AGMO: variants seen among roughly 807,000 people sequenced by gnomAD.
AGMO encodes the protein alkylglycerol monooxygenase.
A neutral mutation model predicts 60.2 loss-of-function variants in AGMO; 75 were observed. The observed-to-expected ratio is 1.25, with a 90% CI of 1.03 to 1.51. AGMO has a LOEUF of 1.51. Among genes scored for constraint, AGMO ranks in the 40% most tolerant of loss-of-function variants. The probability of loss-of-function intolerance (pLI) is 0.00; values close to 1 mark genes in which losing one functional copy is unlikely to be tolerated. For synonymous variants in AGMO, 261 were observed against 177.1 expected (o/e 1.47, Z -3.76); for missense variants, 763 against 525.5 (o/e 1.45, Z -4.42).
intron 12 of AGMO, among the ~76,000 whole-genome samples, chr7:15,321,341 A>G (rs1489640922): frequency 1.3e-5 from 2 of 152,200 alleles, no homozygotes; most frequent in Admixed American, 6.6e-5. Context: ...ACTCTAAAAT[A>G]TATCTAATTC....
intron 12 of AGMO, among the ~76,000 whole-genome samples, chr7:15,244,944 G>A (rs1435767589): frequency 6.6e-6 from 1 of 152,044 alleles, no homozygotes; most frequent in South Asian, 2.1e-4. Flanking sequence ...AAGCCACCAC[G>A]CCCGGCCAGT....
chr7:15,470,441 T>C (rs574651600), intron 3 of AGMO, among the ~76,000 whole-genome samples: 1 of 152,092 alleles, frequency 6.6e-6, no homozygotes, highest in Admixed American at 6.6e-5. Context: ...CATTTTTAAG[T>C]AGTAAGCAAT....
At chr7:15,271,407 G>A (rs1563063565) in intron 12 of AGMO, among the ~76,000 whole-genome samples, 1 of 151,958 alleles carries the variant, frequency 6.6e-6, no homozygotes, top group South Asian at 2.1e-4. Flanking sequence ...GTATTCCTAG[G>A]TATTTTATTT....
intron 12 of AGMO, chr7:15,358,427 A>G: frequency 2.1e-6 from 1 of 471,302 alleles, no homozygotes; most frequent in Non-Finnish European, 4.4e-6. Flanking sequence ...GCAGAGTTGG[A>G]AGACAAGTAG....
intron 12 of AGMO, among the ~76,000 whole-genome samples, chr7:15,250,192 G>A (rs981678654): frequency 2.0e-5 from 3 of 152,108 alleles, no homozygotes; most frequent in Admixed American, 2.0e-4. Flanking sequence ...CCCTATAAAT[G>A]AAGTCTGTGA....
intron 12 of AGMO, among the ~76,000 whole-genome samples, chr7:15,348,680 G>A: frequency 6.6e-6 from 1 of 151,976 alleles, no homozygotes; most frequent in East Asian, 1.9e-4. Context: ...AAATAAATAT[G>A]AGTATAGCAT....
At chr7:15,321,866 G>A (rs995674138) in intron 12 of AGMO, among the ~76,000 whole-genome samples, 3 of 151,940 alleles carry the variant, frequency 2.0e-5, no homozygotes, top group Non-Finnish European at 2.9e-5. Flanking sequence ...CTCCATACCA[G>A]ACTCACTCTT....
chr7:15,365,380 T>TAAAAAAAAGAAAGAAAAAAAAAAAA (rs1782931781), intron 12 of AGMO, 134 bp downstream of exon 12: 1 of 210,468 alleles, frequency 4.8e-6, no homozygotes, highest in Non-Finnish European at 8.0e-6. Context: ...TACTGGTAAG[T>TAAAAAAAAGAAAGAAAAAAAAAAAA]AAAAAAAAAA....
At chr7:15,291,420 T>A (rs962219216) in intron 12 of AGMO, among the ~76,000 whole-genome samples, 5 of 152,326 alleles carry the variant, frequency 3.3e-5, no homozygotes, top group African/African-American at 1.2e-4. Flanking sequence ...TATTTCTAAC[T>A]TTGCCGGTAT....
chr7:15,157,858 C>T, the AGMO span, among the ~76,000 whole-genome samples: 1 of 152,156 alleles, frequency 6.6e-6, no homozygotes, highest in African/African-American at 2.4e-5. Context: ...TGAAACCTGA[C>T]TGAACACAGA....
chr7:15,460,188 C>T (rs1782110000), intron 3 of AGMO, among the ~76,000 whole-genome samples: 5 of 147,676 alleles, frequency 3.4e-5, no homozygotes, highest in Admixed American at 1.4e-4. Context: ...CTCACTGCAA[C>T]CTCTGCCCCA....
chr7:15,165,058 A>G, the AGMO span, among the ~76,000 whole-genome samples: 1 of 152,196 alleles, frequency 6.6e-6, no homozygotes, highest in Admixed American at 6.5e-5. Flanking sequence ...CACAGTCATG[A>G]AAAGAATAAA....
At chr7:15,387,048 C>T (rs1783944649) in intron 9 of AGMO, among the ~76,000 whole-genome samples, 1 of 152,144 alleles carries the variant, frequency 6.6e-6, no homozygotes, top group South Asian at 2.1e-4. Context: ...CTGGCTCATT[C>T]CTAAGGCTCC....
At chr7:15,277,080 G>C (rs1026498310) in intron 12 of AGMO, among the ~76,000 whole-genome samples, 3 of 151,830 alleles carry the variant, frequency 2.0e-5, no homozygotes. Context: ...GGCCAAGGTA[G>C]GTGGATTACC....
intron 3 of AGMO, among the ~76,000 whole-genome samples, chr7:15,502,661 C>G (rs998968105): frequency 6.6e-6 from 1 of 151,986 alleles, no homozygotes; most frequent in South Asian, 2.1e-4. Flanking sequence ...AGGAAGACCT[C>G]AGTTTGGCAA....
chr7:15,531,291 A>T (rs866494633), intron 3 of AGMO, among the ~76,000 whole-genome samples: 1 of 90,064 alleles, frequency 1.1e-5, no homozygotes. Flanking sequence ...ATATTCTCTA[A>T]AAATATTCTC....
In AGMO at chr7:15,418,605, CA is replaced by C; in HGVS notation, c.561del (p.Val188PhefsTer26). 1 of 1,583,664 alleles carries C rather than the reference CA, an allele frequency of 6.3e-7. No individual in the cohort carries two copies. Among genetic ancestry groups the C allele is most frequent in the Non-Finnish European group, 8.5e-7 (1 of 1,169,710 alleles). ...LALFIPPSVY[A>X]VHLQFNLLYQ... ...TAAAGAAGATTGAATTGAAGATGAA[CA>C]GCATATACTGAAGGGGGTATGAAGA... On this transcript the variant is annotated frameshift_variant, in exon 5 of 13. Transcript: ENST00000342526. LOFTEE classifies it high-confidence loss of function.
At chr7:15,338,531 T>G (rs1242635554) in intron 12 of AGMO, among the ~76,000 whole-genome samples, 3 of 152,188 alleles carry the variant, frequency 2.0e-5, no homozygotes, top group South Asian at 4.1e-4. Context: ...TAGGTACAAA[T>G]TTCCTCTTTC....
At chr7:15,290,927 G>T (rs1784246155) in intron 12 of AGMO, among the ~76,000 whole-genome samples, 1 of 152,058 alleles carries the variant, frequency 6.6e-6, no homozygotes, top group Admixed American at 6.6e-5. Context: ...ATTAAGAAAA[G>T]AAAAGCTAGA....
Sources: allele counts gnomAD v4.1 joint callset (sites outside exome capture counted in the v4.1 genomes callset), GRCh38; gene constraint gnomAD v4.1.1; transcripts MANE v1.5; gene names NCBI Gene and HGNC (gene_info 2026-07-23, HGNC 2026-07-21).